Variants in MOB4 observed in about 807,000 individuals in gnomAD.
MOB4 encodes MOB-like protein phocein.
A neutral mutation model predicts 32.2 loss-of-function variants in MOB4; 4 were observed. That is an observed-to-expected ratio of 0.12 (90% CI 0.06 to 0.28). The LOEUF (loss-of-function observed/expected upper bound fraction) is 0.28. MOB4 is among the 10% of genes least tolerant of loss of function. The pLI, the probability that MOB4 is intolerant of heterozygous loss-of-function variation, is 1.00. For synonymous variants in MOB4, 88 were observed against 88.1 expected (o/e 1.00, Z 0.01); for missense variants, 158 against 271.2 (o/e 0.58, Z 2.93).
intron 5 of MOB4, among the ~76,000 whole-genome samples, chr2:197,542,915 C>T (rs891237289): frequency 6.6e-6 from 1 of 151,962 alleles, no homozygotes. Flanking sequence ...TCTAAAGATA[C>T]AGTGATGTGG....
At chr2:197,539,705 CAT>C (rs1332526423) in intron 3 of MOB4, among the ~76,000 whole-genome samples, 5 of 152,128 alleles carry the variant, frequency 3.3e-5, no homozygotes, top group Admixed American at 1.3e-4. Context: ...TTCTCATATG[CAT>C]ATATAGCTCC....
At chr2:197,531,723 T>G (rs1416522738) in intron 2 of MOB4, among the ~76,000 whole-genome samples, 2 of 151,804 alleles carry the variant, frequency 1.3e-5, no homozygotes, top group African/African-American at 4.8e-5. Context: ...TTTTGTGTTT[T>G]TATTAGAGAT....
intron 3 of MOB4, among the ~76,000 whole-genome samples, chr2:197,535,899 CTTTTTTTTTTTT>C (rs1319135434): frequency 7.7e-6 from 1 of 129,294 alleles, no homozygotes; most frequent in African/African-American, 2.8e-5. Flanking sequence ...CTTTTCTTTT[CTTTTTTTTTTTT>C]TTTTTTGAGA....
In MOB4 at chr2:197,516,540, T is replaced by G. The variant is rs563940489; in HGVS notation, c.60+394T>G. Reference sequence around the variant, plus strand: ...TTCCTGAAGGTCGGGGCCGCTGAGGTGGGAGGGGGTGTAAACACAGCCTAC... The same window carrying G: ...TTCCTGAAGGTCGGGGCCGCTGAGGGGGGAGGGGGTGTAAACACAGCCTAC... On this transcript the variant is annotated intron_variant, in intron 1 of 7. Transcript: ENST00000323303. The G allele has an allele frequency of 9.2e-6, 5 of 543,336 alleles. No homozygotes were observed. The African/African-American group carries it at 9.6e-5, about 10-fold the overall frequency. The allele number at this position is 543,336 out of a possible 1,614,324, so 33.7% of individuals were successfully genotyped here.
intron 1 of MOB4, 82 bp from the exon 2 acceptor site, chr2:197,523,542 T>G: frequency 3.8e-5 from 53 of 1,406,464 alleles, no homozygotes; most frequent in Non-Finnish European, 4.6e-5. Context: ...CCCTCTAGTG[T>G]GAGCTTTGGG....
upstream of MOB4, chr2:197,516,006 A>G: frequency 7.0e-7 from 1 of 1,425,912 alleles, no homozygotes; most frequent in Admixed American, 2.1e-5. Context: ...CCAGACGCAG[A>G]GCGCCGCTCT....
At position 197,550,840 on chromosome 2, in the gene MOB4, T is replaced by G; in HGVS notation, c.*194T>G. 2.1e-6 allele frequency: 1 copy of G among 465,490 alleles called. No homozygotes were observed. Among genetic ancestry groups the G allele is most frequent in the Non-Finnish European group, 3.3e-6 (1 of 304,724 alleles). 28.8% of individuals were successfully genotyped at this position (465,490 alleles called of 1,614,324 possible). A position where few individuals can be genotyped will look rare whatever the true frequency, so the allele number is the denominator to read the frequency against. On this transcript the variant is annotated 3_prime_UTR_variant, in exon 8 of 8. Transcript: ENST00000323303. The stretch of plus-strand genomic sequence containing the variant: ...AGCTGTATATTCACCAGTGTGGCAC[T>G]CATGGTTTTTAAATAAGATTAGTAT...
At chr2:197,549,096 C>T (rs993083933) in intron 6 of MOB4, among the ~76,000 whole-genome samples, 8 of 151,980 alleles carry the variant, frequency 5.3e-5, no homozygotes, top group South Asian at 2.1e-4. Flanking sequence ...GGCATGGTGA[C>T]GAGTACCTGT....
intron 5 of MOB4, among the ~76,000 whole-genome samples, chr2:197,544,376 T>A (rs1233217475): frequency 6.6e-6 from 1 of 152,156 alleles, no homozygotes; most frequent in Non-Finnish European, 1.5e-5. Flanking sequence ...CTGGCCATAA[T>A]AGTTTCTGTT....
intron 1 of MOB4, among the ~76,000 whole-genome samples, chr2:197,523,362 G>A (rs1216351809): frequency 6.6e-6 from 1 of 152,222 alleles, no homozygotes; most frequent in South Asian, 2.1e-4. Flanking sequence ...GTGAGAGGCT[G>A]AGGTGGGATG....
Position 197,523,748 on chromosome 2 carries a change from G to A in MOB4, c.123+62G>A, listed in dbSNP as rs985947502. 6 of 1,511,352 alleles carry A rather than the reference G, an allele frequency of 4.0e-6. No individual in the cohort carries two copies. In the African/African-American group the frequency reaches 8.4e-5, roughly 21 times the overall value. The allele number at this position is 1,511,352 out of a possible 1,614,324, so 93.6% of individuals were successfully genotyped here. Reference sequence around the variant, plus strand: ...GGAGTACGATGTGTAAGTGCCCATTGGGTGGCCTTTGTCTGTTGGTCACTG... The same window carrying A: ...GGAGTACGATGTGTAAGTGCCCATTAGGTGGCCTTTGTCTGTTGGTCACTG... On this transcript the variant is annotated intron_variant, in intron 2 of 7. Coordinates refer to ENST00000323303, the MANE Select transcript of MOB4 (RefSeq NM_015387.5).
At chr2:197,530,594 A>T (rs2086684465) in intron 2 of MOB4, among the ~76,000 whole-genome samples, 1 of 151,710 alleles carries the variant, frequency 6.6e-6, no homozygotes, top group Admixed American at 6.6e-5. Flanking sequence ...AGAATCTGTC[A>T]TTCAAATTCT....
intron 3 of MOB4, among the ~76,000 whole-genome samples, chr2:197,536,505 C>T (rs1430585420): frequency 6.6e-6 from 1 of 150,662 alleles, no homozygotes; most frequent in Non-Finnish European, 1.5e-5. Context: ...GGGTTTTATT[C>T]TTATTTCATG....
chr2:197,528,000 TG>T (rs757688575), intron 2 of MOB4, among the ~76,000 whole-genome samples: 11 of 152,206 alleles, frequency 7.2e-5, no homozygotes, highest in Non-Finnish European at 1.6e-4. Context: ...TATATTTGTA[TG>T]GTATTTCTTT....
rs984820276 is a variant in MOB4 at position 197,547,043 on chromosome 2, C to T, written c.355-1293C>T. Among the ~76,000 whole-genome samples the T allele has an allele frequency of 2.6e-5, 4 of 151,580 alleles. No homozygotes were observed. The South Asian group carries it at 6.2e-4, about 24-fold the overall frequency. On this transcript the variant is annotated intron_variant, in intron 5 of 7. Coordinates refer to ENST00000323303, the MANE Select transcript of MOB4 (RefSeq NM_015387.5). Reference sequence around the variant, plus strand: ...GGAGGATCGCTTGAGGCCAGGAGTTCGAGACCAGCCTGGTCAACATAGTGA... The same window carrying T: ...GGAGGATCGCTTGAGGCCAGGAGTTTGAGACCAGCCTGGTCAACATAGTGA...
At chr2:197,542,352 TGAGTG>T (rs2086910417) in intron 5 of MOB4, among the ~76,000 whole-genome samples, 1 of 152,182 alleles carries the variant, frequency 6.6e-6, no homozygotes, top group Non-Finnish European at 1.5e-5. Flanking sequence ...GTAGTTATAT[TGAGTG>T]GAGTTACTGT....
At chr2:197,544,137 A>G (rs532777016) in intron 5 of MOB4, among the ~76,000 whole-genome samples, 4 of 152,202 alleles carry the variant, frequency 2.6e-5, no homozygotes, top group Admixed American at 6.5e-5. Context: ...CAGTGGCACA[A>G]TCTTGCCTCA....
chr2:197,532,696 T>A (rs1019967503), intron 2 of MOB4, among the ~76,000 whole-genome samples: 16 of 145,734 alleles, frequency 1.1e-4, no homozygotes, highest in African/African-American at 1.5e-4. Flanking sequence ...AAAAAAAAAA[T>A]AAGTAAATAA....
chr2:197,550,516 A>G lies in MOB4; in HGVS notation c.548A>G (p.Asn183Ser). ...ACATTTTTGTCTTCCTCTCTACAGA[A>G]TGAAACATTTTTGTGTCATCGGTTT... The part of the protein sequence containing the change: ...HHRQIFDEYE[N>S]ETFLCHRFTK... Residue 183 changes from asparagine to serine, a missense_variant and splice_region_variant, in exon 8 of 8, where the codon AAT becomes AGT. Coordinates refer to ENST00000323303, the MANE Select transcript of MOB4 (RefSeq NM_015387.5). 6.3e-7 allele frequency: 1 copy of G among 1,595,924 alleles called. No homozygotes were observed. The highest frequency in any genetic ancestry group is 1.1e-5 in the South Asian group (1 of 87,078).
Sources: allele counts gnomAD v4.1 joint callset (sites outside exome capture counted in the v4.1 genomes callset), GRCh38; gene constraint gnomAD v4.1.1; transcripts MANE v1.5; gene names NCBI Gene and HGNC (gene_info 2026-07-23, HGNC 2026-07-21).